EFCAB3: variants seen among roughly 807,000 people sequenced by gnomAD.
EFCAB3 encodes EF-hand calcium binding domain 3, also known as EF-hand calcium-binding domain-containing protein 3.
Under a neutral mutation model 42.2 loss-of-function variants are expected in EFCAB3, and 36 were observed. The observed-to-expected ratio is 0.85, with a 90% CI of 0.65 to 1.13. EFCAB3 has a LOEUF of 1.13. EFCAB3 is among the 50% of genes most tolerant of loss of function. EFCAB3 has a pLI of 0.00. For missense variants in EFCAB3, 418 were observed against 505.1 expected, an observed-to-expected ratio of 0.83 and a Z score of 1.65; for synonymous variants, 170 against 172.8, an observed-to-expected ratio of 0.98 and a Z score of 0.13.
At chr17:62,397,886 A>T (rs1039302945) in intron 6 of EFCAB3, 1 of 274,308 alleles carries the variant, frequency 3.6e-6, no homozygotes. Context: ...TTAGCCAGGC[A>T]TGGTGGAGGG....
At position 62,391,611 on chromosome 17, in the gene EFCAB3, C is replaced by G. The variant is rs182173140; in HGVS notation, c.152-211C>G. Among the ~76,000 whole-genome samples, 27 of 152,282 alleles carry G rather than the reference C, an allele frequency of 1.8e-4. No homozygotes were observed. The East Asian group carries it at 5.0e-3, about 28-fold the overall frequency. Reference sequence around the variant, plus strand: ...TTTGGAAAGCCATCTTACCTACCAACACTTGGTTTTGCAACAGTTAGTTCA... The same window carrying G: ...TTTGGAAAGCCATCTTACCTACCAAGACTTGGTTTTGCAACAGTTAGTTCA... On this transcript the variant is annotated intron_variant, in intron 3 of 9. Transcript: ENST00000305286.
At chr17:62,397,439 A>G in intron 6 of EFCAB3, 3 of 512,910 alleles carry the variant, frequency 5.8e-6, no homozygotes, top group South Asian at 3.1e-5. Flanking sequence ...GAAGCTCCAC[A>G]GTCACTGACG....
chr17:62,395,503 G>T (rs1164395966), intron 6 of EFCAB3, among the ~76,000 whole-genome samples: 1 of 152,066 alleles, frequency 6.6e-6, no homozygotes. Context: ...ACTTTTCCAG[G>T]AATAATTTTG....
At chr17:62,387,256 A>G in intron 2 of EFCAB3, 84 bp from the exon 3 acceptor site, 2 of 1,029,220 alleles carry the variant, frequency 1.9e-6, no homozygotes, top group Non-Finnish European at 2.9e-6. Context: ...CAGTCATTCC[A>G]GTAAGCAGAA....
At chr17:62,406,957 C>T in intron 7 of EFCAB3, 71 bp from the exon 8 acceptor site, 1 of 1,484,036 alleles carries the variant, frequency 6.7e-7, no homozygotes, top group African/African-American at 1.4e-5. Flanking sequence ...AAACAGGCAC[C>T]ACATGCTGGT....
At chr17:62,394,940 A>G (rs1252135002) in intron 5 of EFCAB3, 128 bp from the exon 6 acceptor site, 16 of 1,257,638 alleles carry the variant, frequency 1.3e-5, no homozygotes, top group Non-Finnish European at 8.6e-6. Context: ...AATAGAACAG[A>G]CTTTTAATGT....
In EFCAB3 at chr17:62,406,464, ACT is replaced by A. The variant is rs1567727756; in HGVS notation, c.489-15_489-14del. The A allele has an allele frequency of 2.6e-6, 4 of 1,555,264 alleles. No homozygotes were observed. The highest frequency in any genetic ancestry group is 3.5e-6 in the Non-Finnish European group (4 of 1,149,144). On this transcript the variant is annotated splice_polypyrimidine_tract_variant and intron_variant, in intron 6 of 9. Transcript: ENST00000305286. ...GTCTCTTTGTATCCATTTCTGAATT[ACT>A]TTTTTTTTTAAAGCTATTTCCAAAG...
upstream of EFCAB3, chr17:62,378,162 G>T: frequency 1.6e-6 from 1 of 643,006 alleles, no homozygotes; most frequent in Non-Finnish European, 2.6e-6. Flanking sequence ...AATGAACACC[G>T]TTATCTCTCC....
intron 8 of EFCAB3, among the ~76,000 whole-genome samples, chr17:62,408,831 C>G (rs1367310549): frequency 6.6e-6 from 1 of 152,156 alleles, no homozygotes; most frequent in Non-Finnish European, 1.5e-5. Context: ...ACTAGACGTG[C>G]TCTCACATCA....
intron 9 of EFCAB3, 39 bp downstream of exon 9, chr17:62,413,893 G>A: frequency 6.3e-7 from 1 of 1,591,126 alleles, no homozygotes; most frequent in Non-Finnish European, 8.6e-7. Context: ...AGAAATCACT[G>A]ACAAAAATAT....
At chr17:62,386,027 T>G (rs1163956051) in intron 2 of EFCAB3, among the ~76,000 whole-genome samples, 1 of 152,012 alleles carries the variant, frequency 6.6e-6, no homozygotes, top group Non-Finnish European at 1.5e-5. Flanking sequence ...GCACCCGGCC[T>G]AGTTTTACTT....
At position 62,405,810 on chromosome 17, in the gene EFCAB3, A is replaced by G. The variant is rs1204710482; in HGVS notation, c.489-670A>G. Among the ~76,000 whole-genome samples the G allele has an allele frequency of 2.0e-5, 3 of 152,208 alleles. No individual in the cohort carries two copies. In the East Asian group the frequency reaches 5.8e-4, roughly 29 times the overall value. ...ACATCTTCTAAGTCTGTTCATACAC[A>G]TACGCTCCAAAAAAAATGATAGGAA... On this transcript the variant is annotated intron_variant, in intron 6 of 9. Transcript: ENST00000305286.
chr17:62,398,112 C>T, intron 6 of EFCAB3: 1 of 295,208 alleles, frequency 3.4e-6, no homozygotes, highest in South Asian at 4.5e-5. Context: ...TGGCCCTATA[C>T]AAAGGCACGA....
At chr17:62,407,920 T>C (rs1487445877) in intron 8 of EFCAB3, among the ~76,000 whole-genome samples, 1 of 152,116 alleles carries the variant, frequency 6.6e-6, no homozygotes, top group African/African-American at 2.4e-5. Flanking sequence ...ATACAATTCC[T>C]AGAAGGCCCC....
At chr17:62,413,056 A>T (rs1319628600) in intron 8 of EFCAB3, among the ~76,000 whole-genome samples, 4 of 152,188 alleles carry the variant, frequency 2.6e-5, no homozygotes, top group Non-Finnish European at 5.9e-5. Flanking sequence ...AACCTTAAAC[A>T]TACTGAAATA....
chr17:62,371,621 A>C (rs1435529837), intron 1 of EFCAB3, among the ~76,000 whole-genome samples: 1 of 152,176 alleles, frequency 6.6e-6, no homozygotes, highest in East Asian at 1.9e-4. Flanking sequence ...AAATACAACC[A>C]ATATGCTAAG....
chr17:62,393,327 C>A (rs1169231864), intron 4 of EFCAB3, among the ~76,000 whole-genome samples: 1 of 152,150 alleles, frequency 6.6e-6, no homozygotes, highest in Non-Finnish European at 1.5e-5. Context: ...GGACAGACTG[C>A]AATGGCTGGG....
At position 62,406,574 on chromosome 17, in the gene EFCAB3, T is replaced by TG; in HGVS notation, c.584dup (p.Cys195TrpfsTer13). The TG allele has an allele frequency of 6.2e-7, 1 of 1,614,064 alleles. No homozygotes were observed. The highest frequency in any genetic ancestry group is 8.5e-7 in the Non-Finnish European group (1 of 1,179,986). On this transcript the variant is annotated frameshift_variant, in exon 7 of 10. Transcript: ENST00000305286. LOFTEE classifies it high-confidence loss of function. Reference sequence around the variant, plus strand: ...AAAAAGGACACTTAAGCCAGACATATGCACACCTCCAAGCTCAAGCATGGC... The same window carrying TG: ...AAAAAGGACACTTAAGCCAGACATATGGCACACCTCCAAGCTCAAGCATGGC...
At chr17:62,389,979 G>A (rs996001197) in intron 3 of EFCAB3, among the ~76,000 whole-genome samples, 1 of 151,928 alleles carries the variant, frequency 6.6e-6, no homozygotes, top group Non-Finnish European at 1.5e-5. Flanking sequence ...GTAGAGACAG[G>A]GTTTCACCAT....
Sources: allele counts gnomAD v4.1 joint callset (sites outside exome capture counted in the v4.1 genomes callset), GRCh38; gene constraint gnomAD v4.1.1; transcripts MANE v1.5; gene names NCBI Gene and HGNC (gene_info 2026-07-23, HGNC 2026-07-21).